The following MIPOL1 variants were observed in gnomAD, a reference collection of about 807,000 sequenced individuals.
MIPOL1 encodes mirror-image polydactyly 1, also known as mirror-image polydactyly gene 1 protein.
Under a neutral mutation model 60.9 loss-of-function variants are expected in MIPOL1, and 57 were observed. That is an observed-to-expected ratio of 0.94 (90% CI 0.76 to 1.17). The LOEUF is 1.17. Among genes scored for constraint, MIPOL1 ranks in the 50% most tolerant of loss-of-function variants. The probability of loss-of-function intolerance (pLI) is 0.00; values close to 1 mark genes in which losing one functional copy is unlikely to be tolerated. For synonymous variants in MIPOL1, 179 were observed against 168.8 expected, an observed-to-expected ratio of 1.06 and a Z score of -0.47; for missense variants, 551 against 511.6, an observed-to-expected ratio of 1.08 and a Z score of -0.74.
At chr14:37,458,968 T>C (rs942255357) in intron 11 of MIPOL1, among the ~76,000 whole-genome samples, 25 of 151,678 alleles carry the variant, frequency 1.6e-4, no homozygotes, top group Admixed American at 1.1e-3. Context: ...TTGAAACAAA[T>C]GAAAATAGAG....
intron 11 of MIPOL1, among the ~76,000 whole-genome samples, chr14:37,485,915 G>C (rs1319109023): frequency 6.6e-6 from 1 of 152,140 alleles, no homozygotes; most frequent in Non-Finnish European, 1.5e-5. Context: ...CCATGCCTGT[G>C]TCCTGAATGA....
At chr14:37,397,865 GC>G (rs1443017227) in intron 10 of MIPOL1, among the ~76,000 whole-genome samples, 2 of 152,172 alleles carry the variant, frequency 1.3e-5, no homozygotes, top group African/African-American at 4.8e-5. Context: ...CAGTGAGCAA[GC>G]CGGGCTTAAG....
At chr14:37,270,371 CA>C in intron 5 of MIPOL1, 48 bp from the exon 6 acceptor site, 1 of 954,172 alleles carries the variant, frequency 1.0e-6, no homozygotes, top group Non-Finnish European at 1.5e-6. Flanking sequence ...TATATTTTTG[CA>C]AGACATTTGT....
chr14:37,365,376 C>T (rs1322333165), intron 9 of MIPOL1, among the ~76,000 whole-genome samples: 1 of 152,022 alleles, frequency 6.6e-6, no homozygotes, highest in Non-Finnish European at 1.5e-5. Flanking sequence ...TGTTAATGTA[C>T]ATTCCTTCTA....
rs116967888 is a variant in MIPOL1 at position 37,451,566 on chromosome 14, T to A, written c.1031+28617T>A. 9.8e-3 allele frequency among the ~76,000 whole-genome samples: 1,487 copies of A among 151,616 alleles called. 14 individuals carry two copies. The highest frequency in any genetic ancestry group is 0.014 in the Non-Finnish European group (982 of 68,016). ...TGAGCTTTTCTTTGTAGATGGTGAT[T>A]CTTGTACATGGAAATGGAGCTGATT... is the stretch of plus-strand genomic sequence containing the variant. On this transcript the variant is annotated intron_variant, in intron 11 of 12. Coordinates refer to ENST00000684589, the MANE Select transcript of MIPOL1 (RefSeq NM_001388067.1).
chr14:37,275,800 G>A (rs1372386842), intron 6 of MIPOL1, among the ~76,000 whole-genome samples: 2 of 150,960 alleles, frequency 1.3e-5, no homozygotes, highest in Non-Finnish European at 3.0e-5. Context: ...TTATATGTTA[G>A]TTATTTTTCT....
chr14:37,497,190 C>G (rs1469311263), intron 11 of MIPOL1, among the ~76,000 whole-genome samples: 1 of 152,022 alleles, frequency 6.6e-6, no homozygotes, highest in African/African-American at 2.4e-5. Context: ...CCATAAAAAC[C>G]CTAGAAGAAA....
chr14:37,407,230 G>A (rs1412508030), intron 10 of MIPOL1, among the ~76,000 whole-genome samples: 1 of 152,098 alleles, frequency 6.6e-6, no homozygotes, highest in East Asian at 1.9e-4. Flanking sequence ...GCACATTTGA[G>A]GTCAGAGAAG....
intron 10 of MIPOL1, among the ~76,000 whole-genome samples, chr14:37,417,124 G>A (rs2093783853): frequency 6.6e-6 from 1 of 152,084 alleles, no homozygotes; most frequent in Non-Finnish European, 1.5e-5. Flanking sequence ...GGTGAAGGCA[G>A]GGTGGGACCC....
At chr14:37,315,394 G>C (rs1300920656) in intron 9 of MIPOL1, among the ~76,000 whole-genome samples, 2 of 152,182 alleles carry the variant, frequency 1.3e-5, no homozygotes, top group Non-Finnish European at 2.9e-5. Context: ...TGATCTTGGA[G>C]GTAATGGTCA....
At chr14:37,238,866 T>C (rs1335479536) in intron 1 of MIPOL1, among the ~76,000 whole-genome samples, 1 of 151,708 alleles carries the variant, frequency 6.6e-6, no homozygotes, top group Non-Finnish European at 1.5e-5. Flanking sequence ...GGCAGGGGTA[T>C]TGCTTGAGCA....
At chr14:37,324,903 A>G (rs562652262) in intron 9 of MIPOL1, among the ~76,000 whole-genome samples, 7 of 152,062 alleles carry the variant, frequency 4.6e-5, no homozygotes, top group Non-Finnish European at 8.8e-5. Flanking sequence ...CTAATGATCT[A>G]TTTATCTATC....
intron 10 of MIPOL1, among the ~76,000 whole-genome samples, chr14:37,374,428 C>T (rs2092720487): frequency 6.6e-6 from 1 of 152,066 alleles, no homozygotes; most frequent in Non-Finnish European, 1.5e-5. Context: ...GTTGCCATTG[C>T]TTTTGGTGTT....
chr14:37,234,689 C>G (rs1456540642), intron 1 of MIPOL1, among the ~76,000 whole-genome samples: 1 of 151,846 alleles, frequency 6.6e-6, no homozygotes, highest in Non-Finnish European at 1.5e-5. Flanking sequence ...TTAGCAAAGC[C>G]TAAAATATAG....
At position 37,548,358 on chromosome 14, in the gene MIPOL1, T is replaced by C. The variant is rs1324344610; in HGVS notation, c.*1387T>C. 1 of 152,006 alleles carries C rather than the reference T, an allele frequency of 6.6e-6. No individual in the cohort carries two copies. The highest frequency in any genetic ancestry group is 1.5e-5 in the Non-Finnish European group (1 of 67,882). 9.4% of individuals were successfully genotyped at this position (152,006 alleles called of 1,614,324 possible). Reference sequence around the variant, plus strand: ...GTCATAGATCACAAAAGAATCATAATGCTAACAAACTCTATTTCTTCCTTA... The same window carrying C: ...GTCATAGATCACAAAAGAATCATAACGCTAACAAACTCTATTTCTTCCTTA... On this transcript the variant is annotated 3_prime_UTR_variant, in exon 13 of 13. Coordinates refer to ENST00000684589, the MANE Select transcript of MIPOL1 (RefSeq NM_001388067.1).
chr14:37,213,386 G>C lies in MIPOL1; in HGVS notation c.-199+15282G>C, dbSNP rs571065385. ...AAAGATATGGAAATAATTAAGGAGA[G>C]TCAAGCAGAAATTCTAGAGCTGAAA... is the stretch of plus-strand genomic sequence containing the variant. On this transcript the variant is annotated intron_variant, in intron 1 of 12. Transcript: ENST00000684589. 7.9e-5 allele frequency among the ~76,000 whole-genome samples: 12 copies of C among 152,250 alleles called. No homozygotes were observed. The South Asian group carries it at 2.3e-3, about 29-fold the overall frequency.
chr14:37,469,769 A>T (rs2094654623), intron 11 of MIPOL1, among the ~76,000 whole-genome samples: 1 of 152,024 alleles, frequency 6.6e-6, no homozygotes, highest in African/African-American at 2.4e-5. Context: ...TGCACTCCTA[A>T]AAAAAAGGAT....
At chr14:37,216,276 A>T (rs1348274154) in intron 1 of MIPOL1, among the ~76,000 whole-genome samples, 1 of 152,192 alleles carries the variant, frequency 6.6e-6, no homozygotes, top group Non-Finnish European at 1.5e-5. Flanking sequence ...GAGCACTCAG[A>T]TATATACAGC....
chr14:37,528,652 C>A (rs1026844857), intron 12 of MIPOL1, among the ~76,000 whole-genome samples: 1 of 152,022 alleles, frequency 6.6e-6, no homozygotes, highest in African/African-American at 2.4e-5. Flanking sequence ...ATCTAAGTTG[C>A]AAAAGCCATA....
Sources: gnomAD v4.1 joint callset for allele counts (sites outside exome capture counted in the v4.1 genomes callset) on GRCh38, gnomAD v4.1.1 for gene constraint, MANE v1.5 for transcripts, NCBI Gene and HGNC (gene_info 2026-07-23, HGNC 2026-07-21) for gene names.